Variants in CTNND2 observed in about 807,000 individuals in gnomAD.
The protein encoded by CTNND2 is catenin delta 2, also known as catenin delta-2.
A neutral mutation model predicts 144.4 loss-of-function variants in CTNND2; 22 were observed. That is an observed-to-expected ratio of 0.15 (90% confidence interval 0.11 to 0.22). The LOEUF (loss-of-function observed/expected upper bound fraction) is 0.22. CTNND2 is among the 10% of genes least tolerant of loss of function. CTNND2 has a pLI of 1.00. For synonymous variants in CTNND2, 751 were observed against 695.6 expected, an observed-to-expected ratio of 1.08 and a Z score of -1.25; for missense variants, 1,353 against 1,618.8, an observed-to-expected ratio of 0.84 and a Z score of 2.82.
At chr5:11,545,058 G>T (rs1775096454) in intron 3 of CTNND2, among the ~76,000 whole-genome samples, 1 of 148,334 alleles carries the variant, frequency 6.7e-6, no homozygotes, top group Non-Finnish European at 1.5e-5. Context: ...GGAGACAGAG[G>T]TTGCAGTGAG....
intron 1 of CTNND2, among the ~76,000 whole-genome samples, chr5:11,872,087 T>C (rs904453568): frequency 5.3e-5 from 8 of 149,910 alleles, no homozygotes; most frequent in African/African-American, 2.0e-4. Context: ...CCTGTGTCCA[T>C]GTGTTCTCAT....
intron 16 of CTNND2, among the ~76,000 whole-genome samples, chr5:11,065,444 G>A (rs369082511): frequency 3.9e-5 from 6 of 152,148 alleles, no homozygotes; most frequent in East Asian, 3.8e-4. Context: ...TTCTTTTAGC[G>A]AGTGCTAGTC....
intron 2 of CTNND2, among the ~76,000 whole-genome samples, chr5:11,672,487 G>C (rs1341891599): frequency 6.6e-6 from 1 of 152,192 alleles, no homozygotes; most frequent in East Asian, 1.9e-4. Context: ...TGCCCAGCAA[G>C]GAGAAATCTA....
chr5:10,998,530 T>A (rs1417316262), intron 18 of CTNND2, among the ~76,000 whole-genome samples: 1 of 152,228 alleles, frequency 6.6e-6, no homozygotes, highest in African/African-American at 2.4e-5. Context: ...CATTCATCGA[T>A]GCAGAGTGAA....
intron 2 of CTNND2, among the ~76,000 whole-genome samples, chr5:11,622,821 C>A (rs575581769): frequency 1.3e-5 from 2 of 152,144 alleles, no homozygotes; most frequent in Non-Finnish European, 2.9e-5. Flanking sequence ...TAAAAGCAAA[C>A]ACGCAAGTAA....
intron 16 of CTNND2, among the ~76,000 whole-genome samples, chr5:11,073,717 G>A (rs931150178): frequency 2.0e-5 from 3 of 152,182 alleles, no homozygotes; most frequent in African/African-American, 7.2e-5. Context: ...ATTAGGTTCT[G>A]GGGTTTAGGA....
chr5:11,848,235 A>G (rs553455905), intron 1 of CTNND2, among the ~76,000 whole-genome samples: 1 of 152,226 alleles, frequency 6.6e-6, no homozygotes, highest in Non-Finnish European at 1.5e-5. Flanking sequence ...CCTGGTCTAA[A>G]AAAGTACGTC....
intron 11 of CTNND2, among the ~76,000 whole-genome samples, chr5:11,182,399 C>A (rs903933759): frequency 6.6e-6 from 1 of 151,942 alleles, no homozygotes; most frequent in Non-Finnish European, 1.5e-5. Flanking sequence ...ATATATATGT[C>A]TGTGTGTGCA....
chr5:11,202,251 T>C (rs1737521817), intron 10 of CTNND2, among the ~76,000 whole-genome samples: 1 of 152,214 alleles, frequency 6.6e-6, no homozygotes, highest in Non-Finnish European at 1.5e-5. Context: ...CCAATTCATA[T>C]GATTTAATGA....
At chr5:11,399,288 T>C (rs1760423744) in intron 5 of CTNND2, among the ~76,000 whole-genome samples, 1 of 152,194 alleles carries the variant, frequency 6.6e-6, no homozygotes, top group Admixed American at 6.5e-5. Flanking sequence ...TTAAAGCAGA[T>C]ACAACGACAG....
chr5:11,277,229 G>A (rs1477312545), intron 9 of CTNND2, among the ~76,000 whole-genome samples: 1 of 151,756 alleles, frequency 6.6e-6, no homozygotes, highest in African/African-American at 2.4e-5. Flanking sequence ...AGAAGTTTTG[G>A]TTCTTAAATA....
rs80285214 is a variant in CTNND2, at chr5:11,775,410, C to T, written c.38-43138G>A. Among the ~76,000 whole-genome samples, 14 of 152,316 alleles carry T rather than the reference C, an allele frequency of 9.2e-5. 1 individual carries two copies. In the East Asian group the frequency reaches 2.5e-3, roughly 27 times the overall value. ...AAATCGAGATAACACTAAGGACACT[C>T]CTGAGGATAAGACGAGAGAAGCACA... On this transcript the variant is annotated intron_variant, in intron 1 of 21. Transcript: ENST00000304623.
intron 15 of CTNND2, among the ~76,000 whole-genome samples, chr5:11,098,357 CCTCT>C (rs1233849695): frequency 8.6e-6 from 1 of 116,040 alleles, no homozygotes; most frequent in Non-Finnish European, 1.8e-5. Context: ...CACATCTAGT[CCTCT>C]CTGTTTGTAG....
intron 3 of CTNND2, among the ~76,000 whole-genome samples, chr5:11,478,141 C>A (rs1190192271): frequency 6.6e-6 from 1 of 152,122 alleles, no homozygotes; most frequent in Non-Finnish European, 1.5e-5. Flanking sequence ...CATATATATG[C>A]ATGGATGGAT....
chr5:11,862,891 T>C (rs945329249), intron 1 of CTNND2, among the ~76,000 whole-genome samples: 10 of 152,170 alleles, frequency 6.6e-5, no homozygotes, highest in Non-Finnish European at 1.3e-4. Context: ...TGAATATCAT[T>C]TGAATACACA....
chr5:11,385,318 A>G, intron 6 of CTNND2, 89 bp from the exon 7 acceptor site: 2 of 898,160 alleles, frequency 2.2e-6, no homozygotes, highest in Non-Finnish European at 1.3e-6. Context: ...GAGCAGAGGC[A>G]CACCGGGGAT....
chr5:11,633,024 C>T (rs531575175), intron 2 of CTNND2, among the ~76,000 whole-genome samples: 14 of 152,168 alleles, frequency 9.2e-5, no homozygotes, highest in Middle Eastern at 3.4e-3. Context: ...CACACTAACA[C>T]GCATGTAATG....
At chr5:11,453,885 T>G (rs895651312) in intron 3 of CTNND2, among the ~76,000 whole-genome samples, 2 of 152,204 alleles carry the variant, frequency 1.3e-5, no homozygotes, top group Non-Finnish European at 2.9e-5. Flanking sequence ...TACACGATAA[T>G]ATAACTTTTT....
At chr5:11,375,362 T>C (rs1325582818) in intron 7 of CTNND2, among the ~76,000 whole-genome samples, 2 of 152,220 alleles carry the variant, frequency 1.3e-5, no homozygotes, top group Admixed American at 6.5e-5. Flanking sequence ...TGTACTTATA[T>C]TTTACAACTT....
Sources: gnomAD v4.1 joint callset for allele counts (sites outside exome capture counted in the v4.1 genomes callset) on GRCh38, gnomAD v4.1.1 for gene constraint, MANE v1.5 for transcripts, NCBI Gene and HGNC (gene_info 2026-07-23, HGNC 2026-07-21) for gene names.